The following LRRCC1 variants were observed in gnomAD, a reference collection of about 807,000 sequenced individuals.
LRRCC1 encodes leucine-rich repeat and coiled-coil domain-containing protein 1.
Under a neutral mutation model 126.0 loss-of-function variants are expected in LRRCC1, and 115 were observed. The ratio of observed to expected loss-of-function variants is 0.91; its 90% CI spans 0.78 to 1.07. The LOEUF (loss-of-function observed/expected upper bound fraction) is 1.07, where lower values mean the gene tolerates loss of function less well. Ranked by LOEUF, LRRCC1 falls within the 50% of genes least tolerant of loss-of-function variation. The probability of loss-of-function intolerance (pLI) is 0.00; values close to 1 mark genes in which losing one functional copy is unlikely to be tolerated. For missense variants in LRRCC1, 1,172 were observed against 1,175.7 expected (o/e 1.00, Z 0.05); for synonymous variants, 400 against 393.4 (o/e 1.02, Z -0.20).
chr8:85,144,460 A>G (rs1485076888), intron 18 of LRRCC1, among the ~76,000 whole-genome samples: 1 of 45,732 alleles, frequency 2.2e-5, no homozygotes, highest in African/African-American at 8.5e-5. Context: ...ATATATATAT[A>G]TATATATATA....
intron 9 of LRRCC1, among the ~76,000 whole-genome samples, chr8:85,127,779 T>C (rs1810126412): frequency 6.6e-6 from 1 of 152,240 alleles, no homozygotes; most frequent in African/African-American, 2.4e-5. Flanking sequence ...ATTATAAAGC[T>C]GTGATGCGTT....
chr8:85,141,296 G>T, intron 17 of LRRCC1, 86 bp from the exon 18 acceptor site: 2 of 1,065,434 alleles, frequency 1.9e-6, no homozygotes, highest in South Asian at 3.4e-5. Context: ...GTATGAATGT[G>T]AGCCACCCGA....
In LRRCC1 at chr8:85,130,039, T is replaced by A; in HGVS notation, c.1747T>A (p.Leu583Met). 1 of 1,593,052 alleles carries A rather than the reference T, an allele frequency of 6.3e-7. No individual in the cohort carries two copies. The highest frequency in any genetic ancestry group is 8.5e-7 in the Non-Finnish European group (1 of 1,172,464). ...GCAACAACTTCATCAACTTCTTGCA[T>A]TGAAAGAACAGGAACACAGGTAAAT... ...QAQQLHQLLA[L>M]KEQEHRKELE... Residue 583 changes from leucine to methionine, a missense_variant, in exon 11 of 19, where the codon TTG becomes ATG. Coordinates refer to ENST00000360375, the MANE Select transcript of LRRCC1 (RefSeq NM_033402.5).
chr8:85,125,219 G>A (rs116590337), intron 8 of LRRCC1, among the ~76,000 whole-genome samples: 57 of 152,206 alleles, frequency 3.7e-4, no homozygotes, highest in African/African-American at 1.3e-3. Context: ...CCTTAAGGTA[G>A]TGCTTCCTAC....
intron 11 of LRRCC1, 49 bp from the exon 12 acceptor site, chr8:85,131,711 C>A (rs1396398928): frequency 7.1e-7 from 1 of 1,415,524 alleles, no homozygotes; most frequent in Non-Finnish European, 9.7e-7. Context: ...TAAAATGTTT[C>A]TTTTCAGGTG....
At chr8:85,114,337 C>T (rs1464182126) in intron 4 of LRRCC1, among the ~76,000 whole-genome samples, 1 of 151,896 alleles carries the variant, frequency 6.6e-6, no homozygotes, top group Non-Finnish European at 1.5e-5. Context: ...TACAGTCACC[C>T]TCCCTTCAGA....
At position 85,126,768 on chromosome 8, in the gene LRRCC1, T is replaced by C. The variant is rs761038767; in HGVS notation, c.1352T>C (p.Ile451Thr). ...EQAENKLMDY[I>T]DELHKHANEK... Reference sequence around the variant, plus strand: ...GCCGAAAATAAACTCATGGATTATATTGATGAGCTGCATAAACATGCAAAT... The same window carrying C: ...GCCGAAAATAAACTCATGGATTATACTGATGAGCTGCATAAACATGCAAAT... Residue 451 changes from isoleucine (I) to threonine (T), a missense_variant, in exon 9 of 19, where the codon ATT (isoleucine) becomes ACT (threonine). Transcript: ENST00000360375. 21 of 1,612,884 alleles carry C rather than the reference T, an allele frequency of 1.3e-5. No homozygotes were observed. Among genetic ancestry groups the C allele is most frequent in the African/African-American group, 2.7e-5 (2 of 74,916 alleles).
At chr8:85,140,952 G>A (rs1670482044) in intron 17 of LRRCC1, among the ~76,000 whole-genome samples, 2 of 152,034 alleles carry the variant, frequency 1.3e-5, no homozygotes. Context: ...TGTAATCTTA[G>A]TTACTTGGGA....
chr8:85,142,067 G>A (rs544427808), intron 18 of LRRCC1, among the ~76,000 whole-genome samples: 2 of 152,228 alleles, frequency 1.3e-5, no homozygotes, highest in South Asian at 2.1e-4. Context: ...AGGCCAAGGC[G>A]GGTGGATCAT....
At chr8:85,142,792 G>A (rs1018531036) in intron 18 of LRRCC1, among the ~76,000 whole-genome samples, 18 of 143,470 alleles carry the variant, frequency 1.3e-4, no homozygotes, top group African/African-American at 3.4e-4. Flanking sequence ...ATTGTGTCAC[G>A]TTGCACTCTA....
chr8:85,129,497 A>AACAGCAATTT, intron 10 of LRRCC1, 118 bp downstream of exon 10: 1 of 820,996 alleles, frequency 1.2e-6, no homozygotes, highest in Non-Finnish European at 1.9e-6. Context: ...TGCAAAAATT[A>AACAGCAATTT]AATTGCTGTT....
At position 85,130,049 on chromosome 8, in the gene LRRCC1, A is replaced by G; in HGVS notation, c.1757A>G (p.Gln586Arg). 1 of 1,579,430 alleles carries G rather than the reference A, an allele frequency of 6.3e-7. No homozygotes were observed. Among genetic ancestry groups the G allele is most frequent in the South Asian group, 1.2e-5 (1 of 85,324 alleles). Residue 586 changes from glutamine to arginine, a missense_variant, in exon 11 of 19, where the codon CAG (glutamine) becomes CGG (arginine). Coordinates refer to ENST00000360375, the MANE Select transcript of LRRCC1 (RefSeq NM_033402.5). Reference sequence around the variant, plus strand: ...CATCAACTTCTTGCATTGAAAGAACAGGAACACAGGTAAATGAAAAATGTA... The same window carrying G: ...CATCAACTTCTTGCATTGAAAGAACGGGAACACAGGTAAATGAAAAATGTA... The part of the protein sequence containing the change: ...QLHQLLALKE[Q>R]EHRKELETRE...
At chr8:85,145,090 T>G (rs556060570) in intron 18 of LRRCC1, among the ~76,000 whole-genome samples, 2 of 125,324 alleles carry the variant, frequency 1.6e-5, no homozygotes, top group South Asian at 2.6e-4. Flanking sequence ...AAAAAATAAA[T>G]AAATAAATGC....
rs1181544268 is a variant in LRRCC1 at position 85,113,095 on chromosome 8, G to A, written c.540G>A (p.Leu180=). Residue 180 remains leucine, a synonymous_variant, in exon 4 of 19, where the codon CTG becomes CTA. Coordinates refer to ENST00000360375, the MANE Select transcript of LRRCC1 (RefSeq NM_033402.5). The part of the protein sequence containing the change: ...KDGDDNPVCR[L]PGYRAVILQT... ...GAGACGATAATCCTGTCTGTCGACT[G>A]CCAGGTATGAATAATTAATTTAATA... 6.2e-7 allele frequency: 1 copy of A among 1,602,328 alleles called. No individual in the cohort carries two copies. Among genetic ancestry groups the A allele is most frequent in the Admixed American group, 1.7e-5 (1 of 57,262 alleles).
intron 8 of LRRCC1, 51 bp from the exon 9 acceptor site, chr8:85,126,638 A>G (rs756187347): frequency 6.6e-7 from 1 of 1,513,430 alleles, no homozygotes; most frequent in Non-Finnish European, 9.0e-7. Context: ...TGAGGCTGTG[A>G]GAAGTTAGGT....
At chr8:85,113,906 A>G (rs1563930791) in intron 4 of LRRCC1, among the ~76,000 whole-genome samples, 2 of 152,094 alleles carry the variant, frequency 1.3e-5, no homozygotes, top group African/African-American at 4.8e-5. Flanking sequence ...ACAATAAGAG[A>G]AATGTGTAGA....
intron 12 of LRRCC1, 117 bp from the exon 13 acceptor site, chr8:85,134,730 T>C: frequency 1.5e-6 from 1 of 653,924 alleles, no homozygotes. Context: ...ATTACTAGAT[T>C]GAAACAGATT....
chr8:85,129,135 T>C (rs1810242929), intron 9 of LRRCC1, 40 bp from the exon 10 acceptor site: 1 of 1,372,734 alleles, frequency 7.3e-7, no homozygotes, highest in South Asian at 1.3e-5. Flanking sequence ...CATTTTTATA[T>C]GTGTAATATA....
intron 7 of LRRCC1, among the ~76,000 whole-genome samples, chr8:85,124,305 A>G (rs1809794467): frequency 6.6e-6 from 1 of 152,130 alleles, no homozygotes; most frequent in Admixed American, 6.5e-5. Context: ...TTTTACATGT[A>G]TATATACCCA....
Sources: gnomAD v4.1 joint callset for allele counts (sites outside exome capture counted in the v4.1 genomes callset) on GRCh38, gnomAD v4.1.1 for gene constraint, MANE v1.5 for transcripts, NCBI Gene and HGNC (gene_info 2026-07-23, HGNC 2026-07-21) for gene names.